The following CCDC136 variants were observed in gnomAD, a reference collection of about 807,000 sequenced individuals.
CCDC136 encodes the protein coiled-coil domain containing 136.
CCDC136 carries 100 observed loss-of-function variants against 141.2 expected under a neutral mutation model. The ratio of observed to expected loss-of-function variants is 0.71; its 90% CI spans 0.60 to 0.84. The LOEUF is 0.84. Ranked by LOEUF, CCDC136 falls within the 40% of genes least tolerant of loss-of-function variation. CCDC136 has a pLI of 0.00. For synonymous variants in CCDC136, 474 were observed against 531.9 expected (o/e 0.89, Z 1.50); for missense variants, 1,206 against 1,379.4 (o/e 0.87, Z 1.99).
chr7:128,812,920 C>G lies in CCDC136; in HGVS notation c.2754C>G (p.Asp918Glu). ...CLEKPMAPQN[D>E]KNEIKELQTK... ...AAAAGCCCATGGCCCCCCAGAACGA[C>G]AAGAATGAGGTAACCACTGTCAGGG... is the stretch of plus-strand genomic sequence containing the variant. Residue 918 changes from aspartate (D) to glutamate (E), a missense_variant, in exon 14 of 18, where the codon GAC becomes GAG. By Grantham distance (45) the Asp-to-Glu change is conservative (BLOSUM62 2). Transcript: ENST00000297788. 6.2e-7 allele frequency: 1 copy of G among 1,605,290 alleles called. No homozygotes were observed. Among genetic ancestry groups the G allele is most frequent in the Non-Finnish European group, 8.5e-7 (1 of 1,175,862 alleles).
Position 128,812,049 on chromosome 7 carries a change from A to G in CCDC136, c.2278A>G (p.Lys760Glu). 6.2e-7 allele frequency: 1 copy of G among 1,614,030 alleles called. No homozygotes were observed. The highest frequency in any genetic ancestry group is 8.5e-7 in the Non-Finnish European group (1 of 1,179,890). The change falls in exon 13 of 18, where the codon AAG becomes GAG. Residue 760 changes from lysine to glutamate, a missense_variant. By Grantham distance (56) the Lys-to-Glu change is moderately conservative. Coordinates refer to ENST00000297788, the MANE Select transcript of CCDC136 (RefSeq NM_022742.5). ...GGTCCCCAGCAATGAGAACTGTCGC[A>G]AGACTTATGATACCACTGTGGATGA... ...SMVPSNENCR[K>E]TYDTTVDDNE... is the part of the protein sequence containing the mutation.
Position 128,815,676 on chromosome 7 carries a change from G to A in CCDC136, c.3108G>A (p.Glu1036=). ...SQRKLDGLAK[E]EEKKEEMEEE... ...GGAAATTAGATGGACTAGCAAAAGA[G>A]GAGGAAAAGAAAGAGGAGATGGAGG... is the stretch of plus-strand genomic sequence containing the variant. Residue 1036 remains glutamate, a synonymous_variant, in exon 16 of 18, where the codon GAG becomes GAA. Transcript: ENST00000297788. The A allele has an allele frequency of 6.4e-7, 1 of 1,555,704 alleles. No homozygotes were observed. The highest frequency in any genetic ancestry group is 8.7e-7 in the Non-Finnish European group (1 of 1,149,370).
chr7:128,807,806 A>G, intron 10 of CCDC136: 1 of 259,840 alleles, frequency 3.8e-6, no homozygotes, highest in Non-Finnish European at 7.3e-6. Flanking sequence ...ATGTATGTAG[A>G]CATTTATACA....
chr7:128,794,585 A>G lies in CCDC136; in HGVS notation c.254A>G (p.Asp85Gly). ...GAACTGGCAGGGCAGCATGAGGATGACTCCTTGGAGCTACAGGGTGAGTGC... is the reference window on the plus strand; with the variant it reads ...GAACTGGCAGGGCAGCATGAGGATGGCTCCTTGGAGCTACAGGGTGAGTGC... ...TRELAGQHED[D>G]SLELQGLLED... Residue 85 changes from aspartate to glycine, a missense_variant, in exon 2 of 18, where the codon GAC becomes GGC. Coordinates refer to ENST00000297788, the MANE Select transcript of CCDC136 (RefSeq NM_022742.5). The surrounding 1 kb of genome is among the most constrained non-coding windows in gnomAD (Gnocchi z 4.3). 6.4e-7 allele frequency: 1 copy of G among 1,554,054 alleles called. No homozygotes were observed. The highest frequency in any genetic ancestry group is 8.7e-7 in the Non-Finnish European group (1 of 1,148,682).
At position 128,810,284 on chromosome 7, in the gene CCDC136, T is replaced by C; in HGVS notation, c.1946T>C (p.Phe649Ser). ...GAGATCCACGAAGAGCTGCGACGTT[T>C]CAAAGAGTCTCATTTCCAGGAAGTG... ...QLEIHEELRR[F>S]KESHFQEVLE... The change falls in exon 12 of 18, where the codon TTC (phenylalanine) becomes TCC (serine). Residue 649 changes from phenylalanine (F) to serine (S), a missense_variant. By Grantham distance (155) the Phe-to-Ser change is radical (BLOSUM62 -2). Coordinates refer to ENST00000297788, the MANE Select transcript of CCDC136 (RefSeq NM_022742.5). 6.2e-7 allele frequency: 1 copy of C among 1,614,022 alleles called. No individual in the cohort carries two copies. Among genetic ancestry groups the C allele is most frequent in the South Asian group, 1.1e-5 (1 of 91,070 alleles).
intron 10 of CCDC136, 87 bp downstream of exon 10, chr7:128,807,632 C>T: frequency 1.1e-6 from 1 of 900,900 alleles, no homozygotes. Context: ...GCACCCAACC[C>T]AAGGGCTTGA....
intron 17 of CCDC136, among the ~76,000 whole-genome samples, chr7:128,820,929 T>C (rs970351714): frequency 2.0e-5 from 3 of 152,214 alleles, no homozygotes; most frequent in African/African-American, 7.2e-5. Context: ...CTATATTCCA[T>C]TTTTACTTGA....
Position 128,794,187 on chromosome 7 carries a change from G to A in CCDC136, c.17-161G>A. 1.1e-6 allele frequency: 1 copy of A among 893,572 alleles called. No individual in the cohort carries two copies. Among genetic ancestry groups the A allele is most frequent in the Non-Finnish European group, 1.8e-6 (1 of 558,800 alleles). The allele number at this position is 893,572 out of a possible 1,614,324, so 55.4% of individuals were successfully genotyped here. The stretch of plus-strand genomic sequence containing the variant: ...TTCTCAACTTGACTCTCACACCTGA[G>A]GACTCATCTTGAGTACAGGTCTTGC... On this transcript the variant is annotated intron_variant, in intron 1 of 17. Coordinates refer to ENST00000297788, the MANE Select transcript of CCDC136 (RefSeq NM_022742.5). This position sits in a 1 kb window ranked among gnomAD's most constrained non-coding sequence, Gnocchi z 4.3.
chr7:128,802,777 C>T (rs572160245), intron 4 of CCDC136, among the ~76,000 whole-genome samples: 1 of 152,184 alleles, frequency 6.6e-6, no homozygotes, highest in African/African-American at 2.4e-5. Context: ...CAGGAAACTC[C>T]GTACTACCTT....
At chr7:128,809,180 C>T in intron 10 of CCDC136, 1 of 388,240 alleles carries the variant, frequency 2.6e-6, no homozygotes, top group South Asian at 4.1e-5. Flanking sequence ...TAGCATTCCC[C>T]ATCAAACTGC....
At chr7:128,820,431 A>C (rs540031830) in intron 17 of CCDC136, among the ~76,000 whole-genome samples, 17 of 152,256 alleles carry the variant, frequency 1.1e-4, no homozygotes, top group Non-Finnish European at 2.1e-4. Flanking sequence ...CCCTTTCCCC[A>C]TCCCATGTAG....
Position 128,806,701 on chromosome 7 carries a change from G to C in CCDC136, c.1262G>C (p.Arg421Pro). The change falls in exon 9 of 18, where the codon CGG becomes CCG. Residue 421 changes from arginine to proline, a missense_variant. Transcript: ENST00000297788. ...CCTCTACCATAGGAGTTACTGTGCC[G>C]GCTGCAGAAGCTGCACCTCCAGCAC... is the stretch of plus-strand genomic sequence containing the variant. ...ENQSEKELLCRLQKLHLQHQN... is the reference protein window; with the variant it reads ...ENQSEKELLCPLQKLHLQHQN... 6.2e-7 allele frequency: 1 copy of C among 1,610,108 alleles called. No homozygotes were observed. Among genetic ancestry groups the C allele is most frequent in the Non-Finnish European group, 8.5e-7 (1 of 1,179,106 alleles).
intron 4 of CCDC136, among the ~76,000 whole-genome samples, chr7:128,803,744 T>C (rs1301080608): frequency 6.6e-6 from 1 of 151,998 alleles, no homozygotes; most frequent in East Asian, 1.9e-4. Flanking sequence ...TCTCTTCTAA[T>C]GCTTGAGGAT....
chr7:128,803,072 G>T (rs958358125), intron 4 of CCDC136, among the ~76,000 whole-genome samples: 1 of 152,228 alleles, frequency 6.6e-6, no homozygotes, highest in African/African-American at 2.4e-5. Flanking sequence ...TTAGGGTGTT[G>T]AATCTTCCAG....
intron 3 of CCDC136, among the ~76,000 whole-genome samples, chr7:128,800,458 C>CTTTT (rs67467689): frequency 2.9e-5 from 4 of 137,718 alleles, no homozygotes; most frequent in Non-Finnish European, 4.8e-5. Flanking sequence ...ACCTGGCTTT[C>CTTTT]TTTTTTTTTT....
intron 3 of CCDC136, among the ~76,000 whole-genome samples, chr7:128,797,387 T>C (rs994484807): frequency 4.6e-5 from 7 of 152,212 alleles, no homozygotes; most frequent in African/African-American, 9.7e-5. Context: ...TGCAGTCACA[T>C]GGAGAGACAC....
chr7:128,813,130 G>A (rs530760877), intron 14 of CCDC136, among the ~76,000 whole-genome samples: 2 of 152,302 alleles, frequency 1.3e-5, no homozygotes, highest in South Asian at 2.1e-4. Context: ...TTCTCTCATC[G>A]AATGATTTCT....
In CCDC136 at chr7:128,805,415, C is replaced by T. The variant is rs778010924; in HGVS notation, c.839C>T (p.Ala280Val). The T allele has an allele frequency of 6.2e-7, 1 of 1,613,876 alleles. No homozygotes were observed. The highest frequency in any genetic ancestry group is 8.5e-7 in the Non-Finnish European group (1 of 1,179,772). ...LQSQTLSMTS[A>V]ESQTSEMDFL... is the part of the protein sequence containing the mutation. ...TCCCAAACACTGAGTATGACGTCAG[C>T]AGAGTCTCAGACTTCAGAAATGGAT... The change falls in exon 6 of 18, where the codon GCA becomes GTA. Residue 280 changes from alanine to valine, a missense_variant. Ala to Val is a moderately conservative substitution (Grantham distance 64, BLOSUM62 0). Transcript: ENST00000297788. The surrounding 1 kb of genome is among the most constrained non-coding windows in gnomAD (Gnocchi z 4.6).
At chr7:128,801,142 A>T in intron 3 of CCDC136, 44 bp from the exon 4 acceptor site, 2 of 1,446,246 alleles carry the variant, frequency 1.4e-6, no homozygotes, top group Non-Finnish European at 1.9e-6. Flanking sequence ...ATGGTAGGTT[A>T]GTTCACCTGC....
Sources: gnomAD v4.1 joint callset for allele counts (sites outside exome capture counted in the v4.1 genomes callset) on GRCh38, gnomAD v4.1.1 for gene constraint, Gnocchi (gnomAD v3.1) non-coding constraint, MANE v1.5 for transcripts, NCBI Gene and HGNC (gene_info 2026-07-23, HGNC 2026-07-21) for gene names.